Variants in LYPLAL1 observed in about 807,000 individuals in gnomAD.
LYPLAL1 encodes the protein lysophospholipase like 1.
LYPLAL1 carries 23 observed loss-of-function variants against 19.7 expected under a neutral mutation model. The observed-to-expected ratio is 1.17, with a 90% CI of 0.84 to 1.65. The LOEUF (loss-of-function observed/expected upper bound fraction) is 1.65, where lower values mean the gene tolerates loss of function less well. Among genes scored for constraint, LYPLAL1 ranks in the 40% most tolerant of loss-of-function variants. The probability of loss-of-function intolerance (pLI) is 0.00; values close to 1 mark genes in which losing one functional copy is unlikely to be tolerated. For missense variants in LYPLAL1, 355 were observed against 279.4 expected (o/e 1.27, Z -1.93); for synonymous variants, 119 against 96.3 (o/e 1.24, Z -1.38).
the LYPLAL1 span, among the ~76,000 whole-genome samples, chr1:219,241,635 C>A: frequency 6.6e-6 from 1 of 152,086 alleles, no homozygotes; most frequent in Non-Finnish European, 1.5e-5. Flanking sequence ...TGAGAGCTGT[C>A]AATGGAAGAG....
chr1:219,369,668 C>A, the LYPLAL1 span, among the ~76,000 whole-genome samples: 3 of 152,246 alleles, frequency 2.0e-5, no homozygotes, highest in African/African-American at 7.2e-5. Flanking sequence ...TAGGACCAGA[C>A]TGCATCTGAA....
At chr1:219,430,764 T>C in the LYPLAL1 span, among the ~76,000 whole-genome samples, 1 of 152,230 alleles carries the variant, frequency 6.6e-6, no homozygotes, top group Non-Finnish European at 1.5e-5. Flanking sequence ...GGAGGTATAC[T>C]GTCCAAGGTA....
At chr1:219,248,209 A>G in the LYPLAL1 span, among the ~76,000 whole-genome samples, 1 of 152,156 alleles carries the variant, frequency 6.6e-6, no homozygotes, top group Non-Finnish European at 1.5e-5. Context: ...GGTCCTGACA[A>G]ATTCAGTGTT....
the LYPLAL1 span, among the ~76,000 whole-genome samples, chr1:219,254,855 T>C: frequency 6.6e-6 from 1 of 152,056 alleles, no homozygotes; most frequent in Non-Finnish European, 1.5e-5. Context: ...GATGATATCA[T>C]GAAATATATT....
the LYPLAL1 span, among the ~76,000 whole-genome samples, chr1:219,224,544 TG>T: frequency 6.6e-6 from 1 of 152,176 alleles, no homozygotes; most frequent in Admixed American, 6.5e-5. Flanking sequence ...GACGTACTCA[TG>T]GTTCTGATTA....
At chr1:219,311,138 T>G in the LYPLAL1 span, among the ~76,000 whole-genome samples, 2 of 140,840 alleles carry the variant, frequency 1.4e-5, no homozygotes, top group Non-Finnish European at 3.1e-5. Context: ...AGTCTAAGAG[T>G]TTTTTTTTTT....
chr1:219,445,389 A>G, the LYPLAL1 span, among the ~76,000 whole-genome samples: 1 of 108,808 alleles, frequency 9.2e-6, no homozygotes, highest in African/African-American at 3.7e-5. Context: ...TGGTGCTCCT[A>G]ATGTAAGTTT....
the LYPLAL1 span, among the ~76,000 whole-genome samples, chr1:219,260,734 A>G: frequency 6.7e-6 from 1 of 150,348 alleles, no homozygotes; most frequent in Non-Finnish European, 1.5e-5. Flanking sequence ...ACATATACAT[A>G]TATAAAAAAA....
chr1:219,215,161 G>A (rs960738750), downstream of LYPLAL1, among the ~76,000 whole-genome samples: 2 of 151,926 alleles, frequency 1.3e-5, no homozygotes, highest in African/African-American at 4.8e-5. Flanking sequence ...GTGCAAATCT[G>A]GTGATAAATT....
At chr1:219,334,018 T>C in the LYPLAL1 span, among the ~76,000 whole-genome samples, 1 of 150,844 alleles carries the variant, frequency 6.6e-6, no homozygotes, top group Non-Finnish European at 1.5e-5. Flanking sequence ...ACATTTCTAA[T>C]GTAAAATGTC....
chr1:219,193,434 C>T, intron 3 of LYPLAL1, 183 bp downstream of exon 3: 1 of 362,928 alleles, frequency 2.8e-6, no homozygotes. Flanking sequence ...GCGCATGAAA[C>T]TTTAATTGAT....
the LYPLAL1 span, among the ~76,000 whole-genome samples, chr1:219,274,418 C>G: frequency 6.6e-6 from 1 of 152,080 alleles, no homozygotes; most frequent in Non-Finnish European, 1.5e-5. Flanking sequence ...TGGAGTCTTG[C>G]TCTGTCTCCC....
At chr1:219,288,146 C>A in the LYPLAL1 span, among the ~76,000 whole-genome samples, 2 of 152,098 alleles carry the variant, frequency 1.3e-5, no homozygotes, top group South Asian at 2.1e-4. Context: ...AAATTTGTAT[C>A]CACATGGAAA....
the LYPLAL1 span, among the ~76,000 whole-genome samples, chr1:219,332,412 A>G: frequency 6.6e-6 from 1 of 152,170 alleles, no homozygotes; most frequent in Non-Finnish European, 1.5e-5. Flanking sequence ...AAGATATCAT[A>G]TGAAGCAGAG....
At chr1:219,335,394 G>C in the LYPLAL1 span, among the ~76,000 whole-genome samples, 3 of 151,778 alleles carry the variant, frequency 2.0e-5, no homozygotes, top group South Asian at 6.2e-4. Context: ...TTAGAACACA[G>C]CATTTTCTCA....
the LYPLAL1 span, among the ~76,000 whole-genome samples, chr1:219,233,573 A>G: frequency 6.6e-6 from 1 of 152,136 alleles, no homozygotes; most frequent in Admixed American, 6.6e-5. Context: ...TTCAAGATCA[A>G]CTTGGGCAAC....
At chr1:219,175,191 AT>A in intron 1 of LYPLAL1, 1 of 725,112 alleles carries the variant, frequency 1.4e-6, no homozygotes, top group Non-Finnish European at 1.7e-6. Flanking sequence ...CGGATTTGGG[AT>A]TAGAACCCAA....
the LYPLAL1 span, among the ~76,000 whole-genome samples, chr1:219,334,922 A>G: frequency 6.6e-6 from 1 of 151,942 alleles, no homozygotes; most frequent in East Asian, 1.9e-4. Context: ...GAGAATTTGT[A>G]TATTTTATAG....
At chr1:219,385,301 A>G in the LYPLAL1 span, among the ~76,000 whole-genome samples, 2 of 152,172 alleles carry the variant, frequency 1.3e-5, no homozygotes, top group Non-Finnish European at 2.9e-5. Context: ...TGGAAGGCTA[A>G]ACTCCAGGGC....
Sources: allele counts gnomAD v4.1 joint callset (sites outside exome capture counted in the v4.1 genomes callset), GRCh38; gene constraint gnomAD v4.1.1; transcripts MANE v1.5; gene names NCBI Gene and HGNC (gene_info 2026-07-23, HGNC 2026-07-21).